EBF1: variants seen among roughly 807,000 people sequenced by gnomAD.
EBF1 encodes transcription factor COE1.
Under a neutral mutation model 68.4 loss-of-function variants are expected in EBF1, and 10 were observed. That is an observed-to-expected ratio of 0.15 (90% confidence interval 0.09 to 0.25). The LOEUF (loss-of-function observed/expected upper bound fraction) is 0.25. EBF1 is among the 10% of genes least tolerant of loss of function. EBF1 has a pLI of 1.00. For missense variants in EBF1, 509 were observed against 794.4 expected (o/e 0.64, Z 4.32); for synonymous variants, 298 against 299.8 (o/e 0.99, Z 0.06).
chr5:158,930,359 A>T (rs1317674833), intron 6 of EBF1, among the ~76,000 whole-genome samples: 1 of 152,062 alleles, frequency 6.6e-6, no homozygotes, highest in African/African-American at 2.4e-5. Context: ...GAGCATGCAA[A>T]TGACTAATCA....
intron 8 of EBF1, among the ~76,000 whole-genome samples, chr5:158,802,174 A>G (rs1454246586): frequency 2.0e-5 from 3 of 152,106 alleles, no homozygotes; most frequent in Non-Finnish European, 4.4e-5. Context: ...CTGTGCTGTG[A>G]TCAATACCTC....
chr5:159,003,181 G>A (rs376380966), intron 6 of EBF1, among the ~76,000 whole-genome samples: 84 of 152,206 alleles, frequency 5.5e-4, no homozygotes, highest in African/African-American at 2.0e-3. Context: ...TGCTAACTCT[G>A]TTAGTCACAA....
chr5:159,092,399 T>A (rs1781809955), intron 4 of EBF1, among the ~76,000 whole-genome samples: 1 of 152,248 alleles, frequency 6.6e-6, no homozygotes, highest in Admixed American at 6.5e-5. Flanking sequence ...GGCATAGGGA[T>A]AAGGGATCTC....
intron 5 of EBF1, among the ~76,000 whole-genome samples, chr5:159,081,539 C>T (rs894521043): frequency 3.3e-5 from 5 of 152,170 alleles, no homozygotes; most frequent in African/African-American, 9.7e-5. Flanking sequence ...TTGACTCAGG[C>T]TGAGAGCCAG....
At chr5:159,073,060 C>T (rs1778115171) in intron 6 of EBF1, among the ~76,000 whole-genome samples, 1 of 152,036 alleles carries the variant, frequency 6.6e-6, no homozygotes, top group African/African-American at 2.4e-5. Flanking sequence ...TTATAAGCAC[C>T]CAACCACATT....
intron 6 of EBF1, among the ~76,000 whole-genome samples, chr5:158,927,536 A>G (rs1258308773): frequency 6.6e-6 from 1 of 152,212 alleles, no homozygotes; most frequent in Non-Finnish European, 1.5e-5. Flanking sequence ...ATTCATTCTA[A>G]TAATACAGGA....
intron 10 of EBF1, among the ~76,000 whole-genome samples, chr5:158,775,775 T>C (rs369344123): frequency 2.5e-3 from 122 of 48,616 alleles, no homozygotes; most frequent in East Asian, 4.7e-3. Context: ...CACACACACA[T>C]GCACACAGAC....
intron 6 of EBF1, among the ~76,000 whole-genome samples, chr5:158,844,188 C>CTTTTTTT (rs10640628): frequency 3.2e-5 from 4 of 126,342 alleles, no homozygotes; most frequent in African/African-American, 9.0e-5. Context: ...TAACTCAAGC[C>CTTTTTTT]TTTTTTTTTT....
At chr5:159,016,034 T>C (rs965466775) in intron 6 of EBF1, among the ~76,000 whole-genome samples, 1 of 152,134 alleles carries the variant, frequency 6.6e-6, no homozygotes, top group African/African-American at 2.4e-5. Flanking sequence ...TTTAAGAAAA[T>C]TGTTAAATCC....
chr5:158,869,089 T>G (rs1273466039), intron 6 of EBF1, among the ~76,000 whole-genome samples: 1 of 152,088 alleles, frequency 6.6e-6, no homozygotes, highest in Non-Finnish European at 1.5e-5. Flanking sequence ...AAAAGGCACT[T>G]GGTTTAGGGT....
intron 6 of EBF1, among the ~76,000 whole-genome samples, chr5:158,851,314 G>T (rs1321111691): frequency 7.1e-6 from 1 of 140,598 alleles, no homozygotes; most frequent in Non-Finnish European, 1.5e-5. Context: ...GGTAGAAGTT[G>T]CAATGAGCTG....
rs58008257 is a variant in EBF1, at chr5:158,834,346, T to C, written c.636+5683A>G. The stretch of plus-strand genomic sequence containing the variant: ...AGTCATAAGTGAATTTCTCCCTGTG[T>C]CGTGAGCTATTTCCATCCCCAGCTT... On this transcript the variant is annotated intron_variant, in intron 7 of 15. Transcript: ENST00000313708. 4.4e-3 allele frequency among the ~76,000 whole-genome samples: 672 copies of C among 152,298 alleles called. 8 individuals carry two copies. The highest frequency in any genetic ancestry group is 0.016 in the African/African-American group (646 of 41,554).
intron 10 of EBF1, among the ~76,000 whole-genome samples, chr5:158,747,314 AT>A (rs1767802971): frequency 6.6e-6 from 1 of 152,086 alleles, no homozygotes; most frequent in Admixed American, 6.6e-5. Flanking sequence ...TGCAAACTTA[AT>A]TTTTTCCTTT....
chr5:158,769,576 G>A (rs1482905056), intron 10 of EBF1, among the ~76,000 whole-genome samples: 2 of 151,994 alleles, frequency 1.3e-5, no homozygotes, highest in South Asian at 2.1e-4. Context: ...TAGCTGTCAC[G>A]GAAGTACAAT....
At chr5:158,706,559 G>A (rs1757922624) in intron 15 of EBF1, among the ~76,000 whole-genome samples, 1 of 152,180 alleles carries the variant, frequency 6.6e-6, no homozygotes. Context: ...CACAGTATGT[G>A]TAGACAAGTA....
intron 6 of EBF1, among the ~76,000 whole-genome samples, chr5:158,947,321 A>G (rs1377346247): frequency 6.6e-6 from 1 of 152,046 alleles, no homozygotes; most frequent in African/African-American, 2.4e-5. Flanking sequence ...CCATTGTGGT[A>G]TTGGCAACCG....
chr5:159,053,911 G>A (rs985169486), intron 6 of EBF1, among the ~76,000 whole-genome samples: 2 of 152,222 alleles, frequency 1.3e-5, no homozygotes, highest in African/African-American at 4.8e-5. Context: ...GATGGCAAGA[G>A]GATAAGGACC....
chr5:158,850,990 C>A (rs1792526368), intron 6 of EBF1, among the ~76,000 whole-genome samples: 1 of 151,490 alleles, frequency 6.6e-6, no homozygotes, highest in Admixed American at 6.6e-5. Flanking sequence ...GAGCGAGACT[C>A]CATCTCAAAA....
In EBF1 at chr5:158,800,804, A is replaced by C. The variant is rs546825593; in HGVS notation, c.779-4329T>G. On this transcript the variant is annotated intron_variant, in intron 8 of 15. Coordinates refer to ENST00000313708, the MANE Select transcript of EBF1 (RefSeq NM_024007.5). Reference sequence around the variant, plus strand: ...GATTCAGTGGAATTTGACTGTGAAAAGATTTATGAAAGAGTTCAATTCAGC... The same window carrying C: ...GATTCAGTGGAATTTGACTGTGAAACGATTTATGAAAGAGTTCAATTCAGC... 1.8e-4 allele frequency among the ~76,000 whole-genome samples: 28 copies of C among 152,334 alleles called. No individual in the cohort carries two copies. The South Asian group carries it at 5.6e-3, about 30-fold the overall frequency.
Sources: gnomAD v4.1 joint callset for allele counts (sites outside exome capture counted in the v4.1 genomes callset) on GRCh38, gnomAD v4.1.1 for gene constraint, MANE v1.5 for transcripts, NCBI Gene and HGNC (gene_info 2026-07-23, HGNC 2026-07-21) for gene names.